The following ARRB1 variants were observed in gnomAD, a reference collection of about 807,000 sequenced individuals.
The protein encoded by ARRB1 is beta-arrestin-1.
Under a neutral mutation model 56.8 loss-of-function variants are expected in ARRB1, and 21 were observed. The observed-to-expected ratio is 0.37, with a 90% CI of 0.26 to 0.53. ARRB1 has a LOEUF of 0.53. ARRB1 is among the 20% of genes least tolerant of loss of function. The pLI is 0.88. For missense variants in ARRB1, 424 were observed against 553.7 expected, an observed-to-expected ratio of 0.77 and a Z score of 2.35; for synonymous variants, 210 against 218.6, an observed-to-expected ratio of 0.96 and a Z score of 0.35.
At chr11:75,267,591 C>G in intron 15 of ARRB1, 61 bp downstream of exon 15, 3 of 1,487,524 alleles carry the variant, frequency 2.0e-6, no homozygotes, top group Non-Finnish European at 2.8e-6. Context: ...TGCAAATGAC[C>G]CCCTCCACCC....
intron 1 of ARRB1, among the ~76,000 whole-genome samples, chr11:75,316,304 G>T (rs963452250): frequency 6.6e-6 from 1 of 151,366 alleles, no homozygotes; most frequent in African/African-American, 2.4e-5. Flanking sequence ...TCCAGCCTGG[G>T]TGACAGAGTG....
At chr11:75,269,705 G>A (rs931794001) in intron 13 of ARRB1, among the ~76,000 whole-genome samples, 49 of 152,270 alleles carry the variant, frequency 3.2e-4, no homozygotes, top group East Asian at 1.9e-4. Flanking sequence ...TTTAATCCTC[G>A]CAACAACCAT....
intron 7 of ARRB1, among the ~76,000 whole-genome samples, chr11:75,279,732 A>G (rs1375699975): frequency 6.6e-6 from 1 of 152,082 alleles, no homozygotes; most frequent in Non-Finnish European, 1.5e-5. Flanking sequence ...CAGTGGCGCA[A>G]TCTCAGCTCA....
At chr11:75,308,571 C>A (rs1202094442) in intron 1 of ARRB1, among the ~76,000 whole-genome samples, 2 of 152,114 alleles carry the variant, frequency 1.3e-5, no homozygotes, top group East Asian at 1.9e-4. Context: ...TGGTGAAACC[C>A]TGTCTCTACT....
chr11:75,283,894 C>T (rs941876889), intron 4 of ARRB1, among the ~76,000 whole-genome samples: 8 of 152,070 alleles, frequency 5.3e-5, no homozygotes, highest in African/African-American at 1.9e-4. Flanking sequence ...AGCGTCTTGT[C>T]ACAGCTCAGT....
At chr11:75,316,952 G>C (rs1032916833) in intron 1 of ARRB1, among the ~76,000 whole-genome samples, 1 of 152,064 alleles carries the variant, frequency 6.6e-6, no homozygotes, top group Non-Finnish European at 1.5e-5. Context: ...TGTAGTCCCA[G>C]CTACTCGGGA....
chr11:75,274,417 G>A lies in ARRB1; in HGVS notation c.777-206C>T, dbSNP rs1027129855. 30 of 582,510 alleles carry A rather than the reference G, an allele frequency of 5.2e-5. No individual in the cohort carries two copies. The East Asian group carries it at 6.5e-4, about 13-fold the overall frequency. 36.1% of individuals were successfully genotyped at this position (582,510 alleles called of 1,614,324 possible). On this transcript the variant is annotated intron_variant, in intron 10 of 15. Transcript: ENST00000420843. Reference sequence around the variant, plus strand: ...CAAAAGAGGCACATCTACATTCTACGCACAAACAGGACTGAATCTCGGATA... The same window carrying A: ...CAAAAGAGGCACATCTACATTCTACACACAAACAGGACTGAATCTCGGATA...
At chr11:75,286,994 A>AT (rs1946494327) in intron 3 of ARRB1, among the ~76,000 whole-genome samples, 2 of 152,158 alleles carry the variant, frequency 1.3e-5, no homozygotes, top group South Asian at 4.1e-4. Flanking sequence ...GAAAGCAGGG[A>AT]TAGTCATCAT....
chr11:75,263,095 A>C lies in ARRB1; in HGVS notation c.*3068T>G, dbSNP rs937279628. Among the ~76,000 whole-genome samples, 1 of 152,220 alleles carries C rather than the reference A, an allele frequency of 6.6e-6. No individual in the cohort carries two copies. The highest frequency in any genetic ancestry group is 2.4e-5 in the African/African-American group (1 of 41,454). ...AGTCCCAGTGACGGATGGCTTGGCC[A>C]GTGCAGGCCCCAAACACTTGGCAGA... On this transcript the variant is annotated 3_prime_UTR_variant, in exon 16 of 16. Coordinates refer to ENST00000420843, the MANE Select transcript of ARRB1 (RefSeq NM_004041.5).
intron 1 of ARRB1, among the ~76,000 whole-genome samples, chr11:75,323,622 A>G (rs887958363): frequency 1.3e-4 from 20 of 152,192 alleles, no homozygotes; most frequent in Admixed American, 6.5e-5. Flanking sequence ...CTCCGTCTCA[A>G]AACAAAAAAG....
intron 1 of ARRB1, among the ~76,000 whole-genome samples, chr11:75,296,503 C>G (rs1481680939): frequency 6.6e-6 from 1 of 152,070 alleles, no homozygotes; most frequent in Non-Finnish European, 1.5e-5. Context: ...ACCTGTGGAC[C>G]AACTTTGACA....
rs1945849184 is a variant in ARRB1 at position 75,263,721 on chromosome 11, T to G, written c.*2442A>C. On this transcript the variant is annotated 3_prime_UTR_variant, in exon 16 of 16. Transcript: ENST00000420843. ...TCAACTAAATTTGGCCATTGCCTTG[T>G]GCAGTCCTGGCTCCAGGAGAAAAAA... 6.7e-6 allele frequency among the ~76,000 whole-genome samples: 1 copy of G among 149,454 alleles called. No individual in the cohort carries two copies.
chr11:75,311,143 C>A (rs954445641), intron 1 of ARRB1, among the ~76,000 whole-genome samples: 2 of 152,138 alleles, frequency 1.3e-5, no homozygotes, highest in Non-Finnish European at 2.9e-5. Flanking sequence ...TCGAGACCAG[C>A]CTGACCAACA....
At chr11:75,306,974 C>A (rs932661615) in intron 1 of ARRB1, among the ~76,000 whole-genome samples, 3 of 152,190 alleles carry the variant, frequency 2.0e-5, no homozygotes, top group Non-Finnish European at 1.5e-5. Context: ...CCCTTCCAGC[C>A]TGGGGGAGCC....
intron 1 of ARRB1, among the ~76,000 whole-genome samples, chr11:75,308,345 A>G (rs1947076966): frequency 6.6e-6 from 1 of 152,238 alleles, no homozygotes; most frequent in African/African-American, 2.4e-5. Context: ...CCCCATGACC[A>G]AGGCCCAAGC....
intron 7 of ARRB1, among the ~76,000 whole-genome samples, chr11:75,279,840 G>C (rs1047612456): frequency 6.6e-6 from 1 of 152,166 alleles, no homozygotes; most frequent in South Asian, 2.1e-4. Context: ...CCTAATTTTT[G>C]TATTTTCAAT....
In ARRB1 at chr11:75,272,206, C is replaced by A. The variant is rs35315061; in HGVS notation, c.999-482G>T. ...GGCATTCTTCTAATAATCAAGGAGACCCAATGTCTAATGGGATTTAGCTTT... is the reference window on the plus strand; with the variant it reads ...GGCATTCTTCTAATAATCAAGGAGAACCAATGTCTAATGGGATTTAGCTTT... On this transcript the variant is annotated intron_variant, in intron 12 of 15. Coordinates refer to ENST00000420843, the MANE Select transcript of ARRB1 (RefSeq NM_004041.5). Among the ~76,000 whole-genome samples, 738 of 152,310 alleles carry A rather than the reference C, an allele frequency of 4.8e-3. 7 individuals carry two copies. Among genetic ancestry groups the A allele is most frequent in the African/African-American group, 0.017 (704 of 41,552 alleles).
Position 75,282,128 on chromosome 11 carries a change from G to A in ARRB1, c.355-107C>T, listed in dbSNP as rs189943650. On this transcript the variant is annotated intron_variant, in intron 5 of 15. Transcript: ENST00000420843. ...ACACCCATCAGACCAAGGGCCCCAG[G>A]GGACAGGCCATGTCTATCCCATCAG... The A allele has an allele frequency of 1.6e-5, 19 of 1,171,700 alleles. No homozygotes were observed. In the African/African-American group the frequency reaches 2.6e-4, roughly 16 times the overall value. 72.6% of individuals were successfully genotyped at this position (1,171,700 alleles called of 1,614,324 possible).
chr11:75,334,936 T>TTTG (rs1554983032), intron 1 of ARRB1, among the ~76,000 whole-genome samples: 12 of 151,548 alleles, frequency 7.9e-5, no homozygotes, highest in Middle Eastern at 3.4e-3. Context: ...AAGGTTTTTT[T>TTTG]TTTGTTTGTT....
Sources: gnomAD v4.1 joint callset for allele counts (sites outside exome capture counted in the v4.1 genomes callset) on GRCh38, gnomAD v4.1.1 for gene constraint, MANE v1.5 for transcripts, NCBI Gene and HGNC (gene_info 2026-07-23, HGNC 2026-07-21) for gene names.